NTM: variants seen among roughly 807,000 people sequenced by gnomAD.
NTM encodes the protein neurotrimin.
Under a neutral mutation model 42.1 loss-of-function variants are expected in NTM, and 13 were observed. The observed-to-expected ratio is 0.31, with a 90% CI of 0.20 to 0.49. The LOEUF (loss-of-function observed/expected upper bound fraction) is 0.49, where lower values mean the gene tolerates loss of function less well. Among genes scored for constraint, NTM ranks in the 20% least tolerant of loss-of-function variants. The probability of loss-of-function intolerance (pLI) is 0.99; values close to 1 mark genes in which losing one functional copy is unlikely to be tolerated. For synonymous variants in NTM, 187 were observed against 179.2 expected, an observed-to-expected ratio of 1.04 and a Z score of -0.35; for missense variants, 373 against 452.8, an observed-to-expected ratio of 0.82 and a Z score of 1.60.
At chr11:131,583,568 G>C (rs370118140) in intron 1 of NTM, among the ~76,000 whole-genome samples, 1 of 152,124 alleles carries the variant, frequency 6.6e-6, no homozygotes, top group African/African-American at 2.4e-5. Context: ...TTCAGACACT[G>C]TGCTTTTTTG....
intron 2 of NTM, among the ~76,000 whole-genome samples, chr11:132,095,516 TGA>T (rs1405947229): frequency 6.6e-6 from 1 of 152,130 alleles, no homozygotes; most frequent in Non-Finnish European, 1.5e-5. Flanking sequence ...AGCCCTGAAC[TGA>T]GAGGGAATTC....
intron 1 of NTM, among the ~76,000 whole-genome samples, chr11:131,846,075 T>C (rs1356086476): frequency 6.6e-6 from 1 of 152,236 alleles, no homozygotes; most frequent in African/African-American, 2.4e-5. Flanking sequence ...CATTTTGTTT[T>C]AAACATCACA....
chr11:131,794,560 G>A (rs1381993554), intron 1 of NTM: 1 of 985,156 alleles, frequency 1.0e-6, no homozygotes, highest in Non-Finnish European at 1.2e-6. Context: ...CATTCACTGA[G>A]TTCTACAAGT....
chr11:131,393,875 C>T (rs1165904320), intron 1 of NTM, among the ~76,000 whole-genome samples: 3 of 152,190 alleles, frequency 2.0e-5, no homozygotes, highest in Non-Finnish European at 4.4e-5. Context: ...CATTTCCTAC[C>T]TCCTTCAGCC....
rs377739708 is a variant in NTM, at chr11:131,432,839, C to CTTTTTTTTTTTTT, written c.82+61971_82+61983dup. 1.4e-3 allele frequency among the ~76,000 whole-genome samples: 97 copies of CTTTTTTTTTTTTT among 68,700 alleles called. 3 individuals carry two copies. Among genetic ancestry groups the CTTTTTTTTTTTTT allele is most frequent in the African/African-American group, 1.8e-3 (29 of 16,094 alleles). The allele number at this position is 68,700 out of a possible 152,430, so 45.1% of individuals were successfully genotyped here. A position where few individuals can be genotyped will look rare whatever the true frequency, so the allele number is the denominator to read the frequency against. On this transcript the variant is annotated intron_variant, in intron 1 of 8. Transcript: ENST00000683400. ...CTACAAAAGATGAAGATTTAGCATT[C>CTTTTTTTTTTTTT]TTTTTTTTTTTTTTTTTTTTTTTTT... is the stretch of plus-strand genomic sequence containing the variant.
intron 1 of NTM, among the ~76,000 whole-genome samples, chr11:131,583,459 C>G (rs2058592006): frequency 6.6e-6 from 1 of 152,142 alleles, no homozygotes; most frequent in African/African-American, 2.4e-5. Flanking sequence ...AAATCATAAA[C>G]AAACTGCTGT....
chr11:132,331,114 CTCTCT>C (rs1304914233), intron 8 of NTM, among the ~76,000 whole-genome samples: 7 of 152,356 alleles, frequency 4.6e-5, no homozygotes, highest in Non-Finnish European at 1.5e-5. Context: ...TGCAGCCACA[CTCTCT>C]TCTCTTTATT....
At chr11:131,666,582 A>G (rs566991342) in intron 1 of NTM, among the ~76,000 whole-genome samples, 1 of 152,296 alleles carries the variant, frequency 6.6e-6, no homozygotes, top group East Asian at 1.9e-4. Flanking sequence ...CGACAAACAC[A>G]TGCATTTCTG....
rs370509768 is a variant in NTM at position 131,961,675 on chromosome 11, A to C, written c.167+50027A>C. ...AATCAGATTACACTGGAGCAGCAGCACTGTATCCTGCAAGAGTGGCCGGCA... is the reference window on the plus strand; with the variant it reads ...AATCAGATTACACTGGAGCAGCAGCCCTGTATCCTGCAAGAGTGGCCGGCA... On this transcript the variant is annotated intron_variant, in intron 2 of 8. Transcript: ENST00000683400. 4.6e-5 allele frequency among the ~76,000 whole-genome samples: 7 copies of C among 152,306 alleles called. No individual in the cohort carries two copies. In the South Asian group the frequency reaches 1.5e-3, roughly 32 times the overall value.
intron 1 of NTM, among the ~76,000 whole-genome samples, chr11:131,760,116 G>A (rs1226224113): frequency 6.6e-6 from 1 of 152,088 alleles, no homozygotes; most frequent in Non-Finnish European, 1.5e-5. Context: ...AATTAATTAG[G>A]CTAATTAGAA....
At chr11:131,794,203 G>T (rs951980475) in intron 1 of NTM, among the ~76,000 whole-genome samples, 6 of 152,084 alleles carry the variant, frequency 3.9e-5, no homozygotes, top group Non-Finnish European at 5.9e-5. Flanking sequence ...GGCCTGTCTC[G>T]CACCTCTGGC....
In NTM at chr11:132,208,337, A is replaced by G. The variant is rs547618336; in HGVS notation, c.401-3685A>G. On this transcript the variant is annotated intron_variant, in intron 3 of 8. Transcript: ENST00000683400. ...AGGCATATGCCAATTTGTTTCTGAT[A>G]ATTGGGATTGCTCCCCTAGTCAAAC... is the stretch of plus-strand genomic sequence containing the variant. 1.4e-3 allele frequency among the ~76,000 whole-genome samples: 214 copies of G among 152,304 alleles called. 1 individual carries two copies. The highest frequency in any genetic ancestry group is 4.8e-3 in the African/African-American group (198 of 41,568).
intron 2 of NTM, among the ~76,000 whole-genome samples, chr11:132,102,978 G>T (rs1320316793): frequency 6.6e-6 from 1 of 152,200 alleles, no homozygotes; most frequent in Non-Finnish European, 1.5e-5. Flanking sequence ...AGCCAAATTG[G>T]ACTGGAAAGG....
chr11:132,124,741 C>T (rs1201233255), intron 2 of NTM, among the ~76,000 whole-genome samples: 1 of 152,120 alleles, frequency 6.6e-6, no homozygotes, highest in East Asian at 1.9e-4. Flanking sequence ...TTTTGGGAGG[C>T]CAAGTGAGGA....
At chr11:131,680,703 G>A (rs2072447080) in intron 1 of NTM, among the ~76,000 whole-genome samples, 5 of 152,006 alleles carry the variant, frequency 3.3e-5, no homozygotes, top group Admixed American at 6.5e-5. Flanking sequence ...GTCTGTGAGT[G>A]CCTGTGTGTG....
Position 132,146,204 on chromosome 11 carries a change from C to T in NTM, c.168-78C>T. On this transcript the variant is annotated intron_variant, in intron 2 of 8. Coordinates refer to ENST00000683400, the MANE Select transcript of NTM (RefSeq NM_001352005.2). This position sits in a 1 kb window ranked among gnomAD's most constrained non-coding sequence, Gnocchi z 4.5. ...AAGGGAGAAAGACAAGATATTCTAG[C>T]CTTGCCATGAGGACCTCCCTCTGAT... 6.4e-7 allele frequency: 1 copy of T among 1,565,346 alleles called. No homozygotes were observed. Among genetic ancestry groups the T allele is most frequent in the East Asian group, 2.3e-5 (1 of 43,758 alleles).
intron 1 of NTM, among the ~76,000 whole-genome samples, chr11:131,393,082 C>G (rs1340717149): frequency 6.6e-6 from 1 of 152,160 alleles, no homozygotes. Flanking sequence ...TAATCACATG[C>G]TGGGCTTATT....
intron 1 of NTM, among the ~76,000 whole-genome samples, chr11:131,510,115 T>A (rs180708552): frequency 7.9e-4 from 120 of 152,288 alleles, no homozygotes; most frequent in African/African-American, 2.9e-3. Flanking sequence ...ATAGCCATCA[T>A]CAGGTTGAAA....
Position 131,527,711 on chromosome 11 carries a change from G to A in NTM, c.82+156823G>A, listed in dbSNP as rs531994229. ...AACCATGGATCATGATGCTTACAAC[G>A]TTATGGGAGCATGCACTCAAATACA... On this transcript the variant is annotated intron_variant, in intron 1 of 8. Transcript: ENST00000683400. Among the ~76,000 whole-genome samples, 148 of 152,256 alleles carry A rather than the reference G, an allele frequency of 9.7e-4. 1 individual carries two copies. In the South Asian group the frequency reaches 0.027, roughly 28 times the overall value.
Sources: gnomAD v4.1 joint callset for allele counts (sites outside exome capture counted in the v4.1 genomes callset) on GRCh38, gnomAD v4.1.1 for gene constraint, Gnocchi (gnomAD v3.1) non-coding constraint, MANE v1.5 for transcripts, NCBI Gene and HGNC (gene_info 2026-07-23, HGNC 2026-07-21) for gene names.